Variants in PIPOX observed in about 807,000 individuals in gnomAD.
PIPOX encodes the protein pipecolic acid and sarcosine oxidase, also known as peroxisomal sarcosine oxidase.
Under a neutral mutation model 47.9 loss-of-function variants are expected in PIPOX, and 45 were observed. That is an observed-to-expected ratio of 0.94 (90% CI 0.74 to 1.20). PIPOX has a LOEUF of 1.20. Among genes scored for constraint, PIPOX ranks in the 50% most tolerant of loss-of-function variants. PIPOX has a pLI of 0.00. For missense variants in PIPOX, 458 were observed against 498.4 expected (o/e 0.92, Z 0.77); for synonymous variants, 165 against 191.3 (o/e 0.86, Z 1.13).
chr17:29,046,569 C>T, intron 2 of PIPOX: 1 of 985,134 alleles, frequency 1.0e-6, no homozygotes, highest in Non-Finnish European at 1.2e-6. Flanking sequence ...GGGGCAGTCC[C>T]TTATTGACCC....
intron 2 of PIPOX, among the ~76,000 whole-genome samples, chr17:29,047,594 A>C (rs1173796844): frequency 6.6e-6 from 1 of 152,240 alleles, no homozygotes; most frequent in African/African-American, 2.4e-5. Flanking sequence ...TAAATAAATG[A>C]GCCTGGATGT....
intron 2 of PIPOX, among the ~76,000 whole-genome samples, chr17:29,049,821 G>A (rs1598237508): frequency 6.6e-6 from 1 of 152,354 alleles, no homozygotes; most frequent in East Asian, 1.9e-4. Context: ...CGGACTAGGG[G>A]AGGGTCTGGC....
chr17:29,057,158 TCTG>T lies in PIPOX; in HGVS notation c.*854_*856del. 1 of 152,184 alleles carries T rather than the reference TCTG, an allele frequency of 6.6e-6. No homozygotes were observed. The highest frequency in any genetic ancestry group is 1.5e-5 in the Non-Finnish European group (1 of 68,030). The allele number at this position is 152,184 out of a possible 1,614,324, so 9.4% of individuals were successfully genotyped here. A position where few individuals can be genotyped will look rare whatever the true frequency, so the allele number is the denominator to read the frequency against. ...GCCTCCATCACAAATGCCCATAAAA[TCTG>T]GCTCGTCTTTGATGAACAATAAATA... On this transcript the variant is annotated 3_prime_UTR_variant, in exon 8 of 8. Transcript: ENST00000323372.
Position 29,056,158 on chromosome 17 carries a change from T to C in PIPOX, c.1043-17T>C. 1 of 1,613,980 alleles carries C rather than the reference T, an allele frequency of 6.2e-7. No individual in the cohort carries two copies. Among genetic ancestry groups the C allele is most frequent in the South Asian group, 1.1e-5 (1 of 91,062 alleles). Reference sequence around the variant, plus strand: ...CTGTCTGTGAAGCTGCCTGAGAGTCTGCTCTTCCCTTCCTAGGGCACGGGT... The same window carrying C: ...CTGTCTGTGAAGCTGCCTGAGAGTCCGCTCTTCCCTTCCTAGGGCACGGGT... On this transcript the variant is annotated splice_polypyrimidine_tract_variant and intron_variant, in intron 7 of 7. Coordinates refer to ENST00000323372, the MANE Select transcript of PIPOX (RefSeq NM_016518.3).
intron 2 of PIPOX, among the ~76,000 whole-genome samples, chr17:29,049,613 A>G (rs1280678601): frequency 2.6e-5 from 4 of 152,166 alleles, no homozygotes; most frequent in Non-Finnish European, 4.4e-5. Flanking sequence ...AGCATTTCCC[A>G]TAGGAGCCTC....
At chr17:29,055,310 G>A (rs1477653909) in intron 6 of PIPOX, 89 bp downstream of exon 6, 1 of 1,459,826 alleles carries the variant, frequency 6.9e-7, no homozygotes, top group Non-Finnish European at 9.5e-7. Context: ...AGGCCCGATT[G>A]TTTGACCCCT....
chr17:29,050,509 C>T (rs369244076), intron 2 of PIPOX, among the ~76,000 whole-genome samples: 16 of 152,172 alleles, frequency 1.1e-4, no homozygotes, highest in African/African-American at 3.6e-4. Context: ...GCCTGGGCAA[C>T]ATACTGTGTG....
At chr17:29,046,282 T>C (rs555550624) in intron 2 of PIPOX, among the ~76,000 whole-genome samples, 10 of 152,166 alleles carry the variant, frequency 6.6e-5, no homozygotes, top group Non-Finnish European at 1.2e-4. Context: ...TGAGCATCTT[T>C]TGCTAAAAGA....
chr17:29,045,076 G>A, intron 2 of PIPOX, 69 bp downstream of exon 2: 1 of 1,483,524 alleles, frequency 6.7e-7, no homozygotes, highest in Non-Finnish European at 9.1e-7. Context: ...TGTGTGAAGT[G>A]GCAGCGCCAT....
chr17:29,054,616 G>A lies in PIPOX; in HGVS notation c.732G>A (p.Pro244=), dbSNP rs927388363. 14 of 1,614,056 alleles carry A rather than the reference G, an allele frequency of 8.7e-6. No homozygotes were observed. The highest frequency in any genetic ancestry group is 2.2e-5 in the East Asian group (1 of 44,898). The change falls in exon 5 of 8, where the codon CCG becomes CCA. Residue 244 remains proline, a synonymous_variant. Transcript: ENST00000323372. ...PGSYGVSQAF[P]CFLWLGLCPH... ...GCTATGGTGTGTCCCAGGCCTTTCC[G>A]TGCTTCCTGTGGCTGGGCTTGTGTC...
In PIPOX at chr17:29,055,825, G is replaced by T; in HGVS notation, c.979G>T (p.Glu327Ter). The T allele has an allele frequency of 6.2e-7, 1 of 1,613,770 alleles. No individual in the cohort carries two copies. Among genetic ancestry groups the T allele is most frequent in the Non-Finnish European group, 8.5e-7 (1 of 1,179,686 alleles). Residue 327 changes from glutamate to a stop codon, truncating the protein, a stop_gained, in exon 7 of 8, where the codon GAG becomes TAG. Transcript: ENST00000323372. LOFTEE classifies it high-confidence loss of function. ...TGTTTCTTTCTAGAATACCCCTGAT[G>T]AGCAGTTCATTCTCGATCGCCACCC... ...ESCMYTNTPD[E>*]QFILDRHPKY...
In PIPOX at chr17:29,043,807, GTTTTT is replaced by G. The variant is rs775727050; in HGVS notation, c.114+476_114+480del. 1.9e-3 allele frequency among the ~76,000 whole-genome samples: 279 copies of G among 147,774 alleles called. 1 individual carries two copies. Among genetic ancestry groups the G allele is most frequent in the African/African-American group, 6.5e-3 (266 of 40,634 alleles). On this transcript the variant is annotated intron_variant, in intron 1 of 7. Coordinates refer to ENST00000323372, the MANE Select transcript of PIPOX (RefSeq NM_016518.3). ...ACACCAGAACCCAGCAGAAGCTTCT[GTTTTT>G]TTTTTTTATTTTTTATTTTTTGCCA...
chr17:29,047,146 G>T (rs758538546), intron 2 of PIPOX, among the ~76,000 whole-genome samples: 2 of 152,138 alleles, frequency 1.3e-5, no homozygotes, highest in Non-Finnish European at 2.9e-5. Flanking sequence ...AAGTAGCCAG[G>T]CATGGTGGTG....
At chr17:29,053,681 C>G in intron 4 of PIPOX, 86 bp downstream of exon 4, 1 of 1,016,564 alleles carries the variant, frequency 9.8e-7, no homozygotes, top group South Asian at 1.7e-5. Flanking sequence ...GGATCTGCCT[C>G]TTGCTAGTGG....
At chr17:29,050,868 G>A (rs1249796303) in intron 2 of PIPOX, among the ~76,000 whole-genome samples, 1 of 151,736 alleles carries the variant, frequency 6.6e-6, no homozygotes, top group Non-Finnish European at 1.5e-5. Context: ...TTGGCCAGGT[G>A]CAGTGGCCCC....
chr17:29,053,574 G>C lies in PIPOX; in HGVS notation c.639G>C (p.Leu213=). ...GGACCAACCAGCTCCTCCGTCCCCT[G>C]GGCATTGAGATGCCTCTCCAGGTAA... ...GPWTNQLLRP[L]GIEMPLQTLR... Residue 213 remains leucine (L), a synonymous_variant, in exon 4 of 8, where the codon CTG becomes CTC. Transcript: ENST00000323372. The C allele has an allele frequency of 6.3e-7, 1 of 1,595,924 alleles. No individual in the cohort carries two copies. Among genetic ancestry groups the C allele is most frequent in the East Asian group, 2.2e-5 (1 of 44,462 alleles).
At chr17:29,043,776 C>CCT (rs2065775237) in intron 1 of PIPOX, among the ~76,000 whole-genome samples, 2 of 151,848 alleles carry the variant, frequency 1.3e-5, no homozygotes, top group Admixed American at 1.3e-4. Flanking sequence ...ATATTCCTGG[C>CCT]CTCTCACACC....
Position 29,044,938 on chromosome 17 carries a change from C to T in PIPOX, c.194C>T (p.Thr65Ile). 6.2e-7 allele frequency: 1 copy of T among 1,614,152 alleles called. No homozygotes were observed. The highest frequency in any genetic ancestry group is 8.5e-7 in the Non-Finnish European group (1 of 1,180,018). Residue 65 changes from threonine to isoleucine, a missense_variant, in exon 2 of 8, where the codon ACC (threonine) becomes ATC (isoleucine). Coordinates refer to ENST00000323372, the MANE Select transcript of PIPOX (RefSeq NM_016518.3). ...IRKAYLEDFY[T>I]RMMHECYQIW... The stretch of plus-strand genomic sequence containing the variant: ...AAGGCGTACCTGGAAGACTTTTACA[C>T]CCGGATGATGCATGAGTGCTATCAG...
At chr17:29,054,879 A>G (rs575591251) in intron 5 of PIPOX, among the ~76,000 whole-genome samples, 184 bp from the exon 6 acceptor site, 1 of 152,302 alleles carries the variant, frequency 6.6e-6, no homozygotes, top group East Asian at 1.9e-4. Context: ...CTTCCTTTGC[A>G]AACATAGGGT....
Sources: allele counts gnomAD v4.1 joint callset (sites outside exome capture counted in the v4.1 genomes callset), GRCh38; gene constraint gnomAD v4.1.1; transcripts MANE v1.5; gene names NCBI Gene and HGNC (gene_info 2026-07-23, HGNC 2026-07-21).